Variants in CTNNA2 observed in about 807,000 individuals in gnomAD.
CTNNA2 encodes the protein catenin alpha-2.
Under a neutral mutation model 101.0 loss-of-function variants are expected in CTNNA2, and 42 were observed. The observed-to-expected ratio is 0.42, with a 90% CI of 0.32 to 0.54. CTNNA2 has a LOEUF of 0.54. CTNNA2 is among the 20% of genes least tolerant of loss of function. The probability of loss-of-function intolerance (pLI) is 0.14; values close to 1 mark genes in which losing one functional copy is unlikely to be tolerated. For missense variants in CTNNA2, 871 were observed against 1,223.1 expected (o/e 0.71, Z 4.29); for synonymous variants, 450 against 456.4 (o/e 0.99, Z 0.18).
At chr2:79,715,203 G>T (rs1398135271) in intron 2 of CTNNA2, among the ~76,000 whole-genome samples, 3 of 56,846 alleles carry the variant, frequency 5.3e-5, no homozygotes, top group African/African-American at 1.3e-4. Flanking sequence ...GCAAAATTCC[G>T]TCAAAAAAAA....
chr2:80,150,794 G>GAT (rs1453318575), intron 7 of CTNNA2, among the ~76,000 whole-genome samples: 1 of 152,120 alleles, frequency 6.6e-6, no homozygotes, highest in Non-Finnish European at 1.5e-5. Flanking sequence ...TCTGAAAATG[G>GAT]ATATTTACAC....
intron 1 of CTNNA2, among the ~76,000 whole-genome samples, chr2:79,559,301 G>A (rs1486012944): frequency 6.6e-6 from 1 of 151,854 alleles, no homozygotes; most frequent in African/African-American, 2.4e-5. Flanking sequence ...AATCACTTGG[G>A]AGCTTTTCAG....
At chr2:79,337,821 AT>A (rs1236979998) in intron 3 of CTNNA2, among the ~76,000 whole-genome samples, 1 of 152,142 alleles carries the variant, frequency 6.6e-6, no homozygotes, top group Non-Finnish European at 1.5e-5. Flanking sequence ...AGATCACATT[AT>A]TTTGATATTT....
At chr2:79,317,428 G>A (rs1676522882) in intron 3 of CTNNA2, among the ~76,000 whole-genome samples, 1 of 151,932 alleles carries the variant, frequency 6.6e-6, no homozygotes, top group South Asian at 2.1e-4. Context: ...CATAGATTGG[G>A]TTGGGTTATT....
intron 1 of CTNNA2, among the ~76,000 whole-genome samples, chr2:79,566,908 G>A (rs1039399444): frequency 6.6e-6 from 1 of 152,058 alleles, no homozygotes; most frequent in Non-Finnish European, 1.5e-5. Context: ...TGTTAAAACA[G>A]ATATGGCATC....
chr2:80,285,198 G>A (rs1380544654), intron 7 of CTNNA2, among the ~76,000 whole-genome samples: 3 of 152,132 alleles, frequency 2.0e-5, no homozygotes, highest in African/African-American at 7.2e-5. Context: ...CTGCCATCAT[G>A]GATGAAGAAG....
At chr2:79,411,708 C>T (rs1678413123) in intron 4 of CTNNA2, among the ~76,000 whole-genome samples, 1 of 152,028 alleles carries the variant, frequency 6.6e-6, no homozygotes, top group African/African-American at 2.4e-5. Flanking sequence ...GAGATTTTGT[C>T]ACCACCAGGC....
chr2:80,407,085 A>G (rs1225119857), intron 8 of CTNNA2, among the ~76,000 whole-genome samples: 1 of 152,146 alleles, frequency 6.6e-6, no homozygotes, highest in African/African-American at 2.4e-5. Context: ...CTTCCATGTA[A>G]CTTTCCTCTT....
intron 1 of CTNNA2, among the ~76,000 whole-genome samples, chr2:79,560,159 G>A (rs1304991804): frequency 6.6e-6 from 1 of 151,404 alleles, no homozygotes; most frequent in Non-Finnish European, 1.5e-5. Flanking sequence ...TTTTTAAACA[G>A]TATTAAATGC....
chr2:80,304,786 C>G (rs1676751275), intron 7 of CTNNA2: 1 of 152,484 alleles, frequency 6.6e-6, no homozygotes, highest in Non-Finnish European at 1.5e-5. Flanking sequence ...CTTCCCCGAG[C>G]ACCTCAGACA....
chr2:80,315,026 CA>C (rs1178584579), intron 7 of CTNNA2, among the ~76,000 whole-genome samples: 2 of 152,018 alleles, frequency 1.3e-5, no homozygotes, highest in African/African-American at 4.8e-5. Flanking sequence ...CATAGTAAAA[CA>C]AAGGAAAAAT....
chr2:79,241,305 T>G (rs1286849050), intron 2 of CTNNA2, among the ~76,000 whole-genome samples: 1 of 152,042 alleles, frequency 6.6e-6, no homozygotes, highest in African/African-American at 2.4e-5. Context: ...GTGATGAAAA[T>G]GATATCACAG....
intron 3 of CTNNA2, among the ~76,000 whole-genome samples, chr2:79,762,003 C>T (rs1672818301): frequency 6.6e-6 from 1 of 152,052 alleles, no homozygotes; most frequent in Non-Finnish European, 1.5e-5. Flanking sequence ...ATCTGAGAGC[C>T]CCATTGTATT....
intron 7 of CTNNA2, among the ~76,000 whole-genome samples, chr2:80,120,949 C>T (rs1437741783): frequency 1.3e-5 from 2 of 152,192 alleles, no homozygotes; most frequent in African/African-American, 2.4e-5. Context: ...TGGTGTAAAT[C>T]GAATGCTTTC....
At position 79,477,168 on chromosome 2, in the gene CTNNA2, C is replaced by CT. The variant is rs5832392; in HGVS notation, c.-134-27872dup. On this transcript the variant is annotated intron_variant, in intron 4 of 21. Transcript: ENST00000466387. The stretch of plus-strand genomic sequence containing the variant: ...TTTATTTCTTTTTTTTCTTTTTTTT[C>CT]TTTTTTTTTTTTTTGTTTTTGAGAC... Among the ~76,000 whole-genome samples, 407 of 123,130 alleles carry CT rather than the reference C, an allele frequency of 3.3e-3. 2 individuals are homozygous for CT. The highest frequency in any genetic ancestry group is 0.013 in the Middle Eastern group (3 of 228). The allele number at this position is 123,130 out of a possible 152,430, so 80.8% of individuals were successfully genotyped here. A position where few individuals can be genotyped will look rare whatever the true frequency, so the allele number is the denominator to read the frequency against.
intron 3 of CTNNA2, among the ~76,000 whole-genome samples, chr2:79,793,488 T>A (rs1675444838): frequency 6.6e-6 from 1 of 152,186 alleles, no homozygotes; most frequent in African/African-American, 2.4e-5. Context: ...ATCTTTTACT[T>A]TGAATAGTAA....
At chr2:80,076,035 C>CT (rs751955617) in intron 7 of CTNNA2, among the ~76,000 whole-genome samples, 156 of 151,708 alleles carry the variant, frequency 1.0e-3, no homozygotes, top group Admixed American at 1.7e-3. Flanking sequence ...ATAAATACAA[C>CT]TTTTTTTGCT....
chr2:80,041,135 C>T (rs977266181), intron 7 of CTNNA2, among the ~76,000 whole-genome samples: 5 of 151,926 alleles, frequency 3.3e-5, no homozygotes, highest in South Asian at 2.1e-4. Context: ...ATTTATGATA[C>T]GTACTGTGGC....
chr2:79,352,294 C>T (rs1190564113), intron 3 of CTNNA2, among the ~76,000 whole-genome samples: 1 of 151,528 alleles, frequency 6.6e-6, no homozygotes, highest in Non-Finnish European at 1.5e-5. Flanking sequence ...TTTTCAATTT[C>T]TTCCTGGTTC....
Sources: allele counts gnomAD v4.1 joint callset (sites outside exome capture counted in the v4.1 genomes callset), GRCh38; gene constraint gnomAD v4.1.1; transcripts MANE v1.5; gene names NCBI Gene and HGNC (gene_info 2026-07-23, HGNC 2026-07-21).